Variants in FHOD3 observed in about 807,000 individuals in gnomAD.
FHOD3 encodes the protein FH1/FH2 domain-containing protein 3.
A neutral mutation model predicts 173.0 loss-of-function variants in FHOD3; 90 were observed. The observed-to-expected ratio is 0.52, with a 90% CI of 0.44 to 0.62. The LOEUF is 0.62. Among genes scored for constraint, FHOD3 ranks in the 20% least tolerant of loss-of-function variants. The pLI is 0.00. For synonymous variants in FHOD3, 828 were observed against 823.0 expected, an observed-to-expected ratio of 1.01 and a Z score of -0.10; for missense variants, 1,945 against 2,034.7, an observed-to-expected ratio of 0.96 and a Z score of 0.85.
chr18:36,440,918 C>T (rs980552570), intron 3 of FHOD3, among the ~76,000 whole-genome samples: 1 of 152,062 alleles, frequency 6.6e-6, no homozygotes, highest in Non-Finnish European at 1.5e-5. Flanking sequence ...CTGAGATTAT[C>T]TCCACCCGCC....
At chr18:36,417,347 G>A (rs2049714862) in intron 3 of FHOD3, among the ~76,000 whole-genome samples, 1 of 152,138 alleles carries the variant, frequency 6.6e-6, no homozygotes. Context: ...GCATTAGTTT[G>A]CTGAGGATAA....
chr18:36,685,510 G>T (rs769683062), intron 15 of FHOD3, among the ~76,000 whole-genome samples: 43 of 152,266 alleles, frequency 2.8e-4, no homozygotes, highest in Admixed American at 3.3e-4. Context: ...TCTAAAAGTT[G>T]TTCTTTATCT....
chr18:36,743,616 T>C (rs1330420508), intron 22 of FHOD3, among the ~76,000 whole-genome samples: 2 of 152,316 alleles, frequency 1.3e-5, no homozygotes, highest in East Asian at 3.9e-4. Flanking sequence ...GCCCTGGTAG[T>C]TTGCTGCCCC....
At chr18:36,553,963 C>G (rs748618341) in intron 5 of FHOD3, among the ~76,000 whole-genome samples, 7 of 152,062 alleles carry the variant, frequency 4.6e-5, no homozygotes, top group Non-Finnish European at 1.0e-4. Flanking sequence ...GTTAGAATGG[C>G]GATCATTAAA....
intron 3 of FHOD3, among the ~76,000 whole-genome samples, chr18:36,410,165 T>C (rs966492715): frequency 6.6e-6 from 1 of 152,110 alleles, no homozygotes; most frequent in African/African-American, 2.4e-5. Context: ...CACACCTAAT[T>C]TCCCCCCTGC....
chr18:36,322,555 G>T (rs969348663), intron 1 of FHOD3, among the ~76,000 whole-genome samples: 2 of 152,122 alleles, frequency 1.3e-5, no homozygotes, highest in East Asian at 1.9e-4. Context: ...GGGTTGGCAG[G>T]TTCCATGGGG....
chr18:36,404,048 A>G (rs1427855761), intron 3 of FHOD3, among the ~76,000 whole-genome samples: 1 of 152,176 alleles, frequency 6.6e-6, no homozygotes, highest in African/African-American at 2.4e-5. Context: ...GCAGAAACTG[A>G]ACTTCCCTGG....
chr18:36,653,552 A>T, intron 13 of FHOD3, 136 bp downstream of exon 13: 1 of 666,118 alleles, frequency 1.5e-6, no homozygotes, highest in Non-Finnish European at 2.5e-6. Context: ...CTTCATAGGT[A>T]TTAATTACGT....
chr18:36,668,708 G>A (rs551898646), intron 14 of FHOD3, among the ~76,000 whole-genome samples: 1 of 151,822 alleles, frequency 6.6e-6, no homozygotes, highest in South Asian at 2.1e-4. Context: ...TGCTTCTTAA[G>A]TTCTCTGTCA....
intron 19 of FHOD3, among the ~76,000 whole-genome samples, chr18:36,722,997 C>A (rs2040865986): frequency 6.6e-6 from 1 of 151,932 alleles, no homozygotes; most frequent in South Asian, 2.1e-4. Context: ...TCTGGGACTT[C>A]AGCAGGGCTG....
At chr18:36,360,085 C>G (rs972502215) in intron 2 of FHOD3, among the ~76,000 whole-genome samples, 14 of 152,312 alleles carry the variant, frequency 9.2e-5, no homozygotes, top group African/African-American at 3.4e-4. Context: ...CTGTTGCTAC[C>G]CTCAGTGTCT....
intron 1 of FHOD3, among the ~76,000 whole-genome samples, chr18:36,324,242 A>G (rs1352807635): frequency 6.6e-6 from 1 of 152,226 alleles, no homozygotes; most frequent in Non-Finnish European, 1.5e-5. Context: ...CAGATGAATC[A>G]TTGACTTAAA....
At chr18:36,378,437 T>C (rs971253489) in intron 3 of FHOD3, among the ~76,000 whole-genome samples, 3 of 151,942 alleles carry the variant, frequency 2.0e-5, no homozygotes, top group African/African-American at 7.3e-5. Flanking sequence ...GGCGTGCATG[T>C]GTCTAGAAGG....
chr18:36,475,451 C>T (rs1448697538), intron 3 of FHOD3, among the ~76,000 whole-genome samples: 4 of 139,346 alleles, frequency 2.9e-5, no homozygotes, highest in Non-Finnish European at 6.1e-5. Context: ...ATAGGTAGTT[C>T]AAGCAGTCTG....
At chr18:36,558,514 T>C (rs868275174) in intron 5 of FHOD3, among the ~76,000 whole-genome samples, 4 of 152,198 alleles carry the variant, frequency 2.6e-5, no homozygotes, top group Non-Finnish European at 5.9e-5. Context: ...TAGTGTACAA[T>C]GATTTACAAA....
intron 9 of FHOD3, among the ~76,000 whole-genome samples, chr18:36,621,900 G>A (rs993190715): frequency 8.5e-5 from 13 of 152,160 alleles, no homozygotes; most frequent in African/African-American, 3.1e-4. Context: ...CATGTTTGTC[G>A]CAGCACTAGT....
At chr18:36,629,761 A>G (rs897065111) in intron 10 of FHOD3, among the ~76,000 whole-genome samples, 1 of 152,046 alleles carries the variant, frequency 6.6e-6, no homozygotes, top group African/African-American at 2.4e-5. Flanking sequence ...TGAGGGACAC[A>G]TGGAGAGGGA....
intron 3 of FHOD3, among the ~76,000 whole-genome samples, chr18:36,481,978 C>G (rs903336320): frequency 6.6e-6 from 1 of 152,024 alleles, no homozygotes; most frequent in Non-Finnish European, 1.5e-5. Flanking sequence ...AGGAATTAGG[C>G]AGAAGGTATG....
intron 6 of FHOD3, among the ~76,000 whole-genome samples, chr18:36,585,438 A>ACAGGGC (rs1568459088): frequency 1.3e-5 from 2 of 152,168 alleles, no homozygotes; most frequent in Admixed American, 6.5e-5. Context: ...TGTGAGAATA[A>ACAGGGC]TCTCAGTAGG....
Sources: gnomAD v4.1 joint callset for allele counts (sites outside exome capture counted in the v4.1 genomes callset) on GRCh38, gnomAD v4.1.1 for gene constraint, MANE v1.5 for transcripts, NCBI Gene and HGNC (gene_info 2026-07-23, HGNC 2026-07-21) for gene names.